The following RBFOX1 variants were observed in gnomAD, a reference collection of about 807,000 sequenced individuals.
RBFOX1 encodes RNA binding protein fox-1 homolog 1.
Under a neutral mutation model 57.7 loss-of-function variants are expected in RBFOX1, and 8 were observed. The ratio of observed to expected loss-of-function variants is 0.14; its 90% CI spans 0.08 to 0.25. The LOEUF is 0.25. Ranked by LOEUF, RBFOX1 falls within the 10% of genes least tolerant of loss-of-function variation. The pLI, the probability that RBFOX1 is intolerant of heterozygous loss-of-function variation, is 1.00. For missense variants in RBFOX1, 611 were observed against 548.5 expected (o/e 1.11, Z -1.14); for synonymous variants, 326 against 222.4 (o/e 1.47, Z -4.15).
chr16:6,533,561 A>G (rs941658719), intron 2 of RBFOX1, among the ~76,000 whole-genome samples: 2 of 152,054 alleles, frequency 1.3e-5, no homozygotes, highest in Admixed American at 6.6e-5. Flanking sequence ...CCCAAGACAT[A>G]TGGTAACATA....
At chr16:6,888,636 C>A (rs1412282286) in intron 3 of RBFOX1, among the ~76,000 whole-genome samples, 3 of 152,094 alleles carry the variant, frequency 2.0e-5, no homozygotes, top group South Asian at 2.1e-4. Context: ...CTGTTCCTTG[C>A]AGGTCAGTAT....
At chr16:5,324,693 A>C (rs539307305) in intron 1 of RBFOX1, among the ~76,000 whole-genome samples, 3 of 152,214 alleles carry the variant, frequency 2.0e-5, no homozygotes, top group Non-Finnish European at 4.4e-5. Context: ...ATCCTTAGCA[A>C]ACTAACACAA....
intron 3 of RBFOX1, chr16:5,610,369 C>T (rs1207085703): frequency 1.3e-5 from 2 of 152,180 alleles, no homozygotes; most frequent in African/African-American, 2.4e-5. Flanking sequence ...TCTGTTGTCC[C>T]CGTTTAACAG....
At position 6,631,504 on chromosome 16, in the gene RBFOX1, C is replaced by T. The variant is rs941981180; in HGVS notation, c.-63-23099C>T. Among the ~76,000 whole-genome samples, 6 of 151,894 alleles carry T rather than the reference C, an allele frequency of 4.0e-5. No individual in the cohort carries two copies. The East Asian group carries it at 7.8e-4, about 20-fold the overall frequency. ...ATCACATTCTTAAAGTTACTCCATT[C>T]GCTCCTGAACAAATATTAAGTGGAG... On this transcript the variant is annotated intron_variant, in intron 2 of 15. Transcript: ENST00000550418.
In RBFOX1 at chr16:7,467,185, G is replaced by A. The variant is rs570373641; in HGVS notation, c.28-50962G>A. On this transcript the variant is annotated intron_variant, in intron 4 of 15. Transcript: ENST00000550418. The stretch of plus-strand genomic sequence containing the variant: ...AAATCAGACTTCTTTGCATCCCTAT[G>A]TGCTAATATAAGAATTCTGAGTTAA... 3.3e-5 allele frequency among the ~76,000 whole-genome samples: 5 copies of A among 152,278 alleles called. No individual in the cohort carries two copies. The South Asian group carries it at 1.0e-3, about 32-fold the overall frequency.
At chr16:7,410,776 A>C (rs1597740182) in intron 4 of RBFOX1, among the ~76,000 whole-genome samples, 1 of 151,902 alleles carries the variant, frequency 6.6e-6, no homozygotes, top group Admixed American at 6.6e-5. Context: ...TGATGCTCCT[A>C]ATTCCCACAG....
intron 2 of RBFOX1, among the ~76,000 whole-genome samples, chr16:6,613,839 G>C (rs1325179255): frequency 6.6e-6 from 1 of 152,172 alleles, no homozygotes; most frequent in African/African-American, 2.4e-5. Flanking sequence ...CTGGGAGGCT[G>C]AGGGAGGAGA....
At chr16:5,987,675 C>T (rs950464967) in intron 4 of RBFOX1, among the ~76,000 whole-genome samples, 4 of 152,152 alleles carry the variant, frequency 2.6e-5, no homozygotes, top group African/African-American at 9.7e-5. Context: ...TGAGTAGCCA[C>T]CGTACTGCAG....
At chr16:5,933,216 G>A (rs2059102472) in intron 4 of RBFOX1, among the ~76,000 whole-genome samples, 1 of 152,214 alleles carries the variant, frequency 6.6e-6, no homozygotes, top group Non-Finnish European at 1.5e-5. Context: ...CATGGCGCCA[G>A]GAGCTTCATT....
At chr16:7,054,087 T>G (rs2051069309) in intron 4 of RBFOX1, among the ~76,000 whole-genome samples, 1 of 151,346 alleles carries the variant, frequency 6.6e-6, no homozygotes, top group African/African-American at 2.4e-5. Flanking sequence ...TTCATTTTTG[T>G]TCTCTGTCTT....
intron 4 of RBFOX1, among the ~76,000 whole-genome samples, chr16:5,956,739 G>C (rs1391548937): frequency 2.8e-5 from 4 of 144,782 alleles, no homozygotes; most frequent in Admixed American, 7.1e-5. Flanking sequence ...CACAATCATG[G>C]CTCACTGCAG....
intron 3 of RBFOX1, among the ~76,000 whole-genome samples, chr16:7,012,585 A>T (rs1337988055): frequency 6.6e-6 from 1 of 152,202 alleles, no homozygotes; most frequent in African/African-American, 2.4e-5. Context: ...GTGATTTTTA[A>T]ATGCTGCTAA....
intron 4 of RBFOX1, among the ~76,000 whole-genome samples, chr16:5,912,725 T>G (rs1278446227): frequency 6.6e-6 from 1 of 152,228 alleles, no homozygotes; most frequent in Non-Finnish European, 1.5e-5. Flanking sequence ...AAACATGTTA[T>G]GATTAGTTTT....
chr16:7,601,563 T>A (rs1312730704), intron 9 of RBFOX1, among the ~76,000 whole-genome samples: 4 of 152,200 alleles, frequency 2.6e-5, no homozygotes, highest in African/African-American at 7.2e-5. Flanking sequence ...CTCAGTCTTT[T>A]GGGACTAGCT....
At chr16:7,198,218 G>C (rs1030398523) in intron 4 of RBFOX1, among the ~76,000 whole-genome samples, 1 of 151,768 alleles carries the variant, frequency 6.6e-6, no homozygotes, top group African/African-American at 2.4e-5. Flanking sequence ...TGTTAGCCAG[G>C]ATGTTTTCAA....
At chr16:6,373,891 T>A (rs1459557797) in intron 2 of RBFOX1, among the ~76,000 whole-genome samples, 1 of 152,198 alleles carries the variant, frequency 6.6e-6, no homozygotes, top group Non-Finnish European at 1.5e-5. Flanking sequence ...TTGGTTCCTT[T>A]TTGTCTTTCA....
At chr16:7,287,436 G>A (rs893634833) in intron 4 of RBFOX1, among the ~76,000 whole-genome samples, 1 of 152,086 alleles carries the variant, frequency 6.6e-6, no homozygotes, top group African/African-American at 2.4e-5. Flanking sequence ...CATCAAACTT[G>A]CTCTAAAGGA....
intron 1 of RBFOX1, among the ~76,000 whole-genome samples, chr16:5,360,490 G>T (rs1455405707): frequency 1.3e-5 from 2 of 152,218 alleles, no homozygotes; most frequent in Non-Finnish European, 2.9e-5. Flanking sequence ...ACAGGTAATG[G>T]GAGAGAGTGC....
chr16:6,891,325 TTAGAG>T (rs2065358708), intron 3 of RBFOX1, among the ~76,000 whole-genome samples: 1 of 152,196 alleles, frequency 6.6e-6, no homozygotes, highest in South Asian at 2.1e-4. Flanking sequence ...AAAATGAAAC[TTAGAG>T]TAGTTAATCT....
Sources: allele counts gnomAD v4.1 joint callset (sites outside exome capture counted in the v4.1 genomes callset), GRCh38; gene constraint gnomAD v4.1.1; transcripts MANE v1.5; gene names NCBI Gene and HGNC (gene_info 2026-07-23, HGNC 2026-07-21).